The following CSMD1 variants were observed in gnomAD, a reference collection of about 807,000 sequenced individuals.
CSMD1 encodes CUB and sushi domain-containing protein 1.
In CSMD1, 213 loss-of-function variants were observed where a neutral mutation model predicts 417.5. The observed-to-expected ratio is 0.51, with a 90% CI of 0.46 to 0.57. The LOEUF (loss-of-function observed/expected upper bound fraction) is 0.57. CSMD1 is among the 20% of genes least tolerant of loss of function. The pLI, the probability that CSMD1 is intolerant of heterozygous loss-of-function variation, is 0.00. For synonymous variants in CSMD1, 2,862 were observed against 1,736.8 expected (o/e 1.65, Z -16.11); for missense variants, 6,923 against 4,529.7 (o/e 1.53, Z -15.17).
intron 47 of CSMD1, among the ~76,000 whole-genome samples, chr8:3,095,234 T>C (rs1429572010): frequency 1.3e-5 from 2 of 152,194 alleles, no homozygotes; most frequent in African/African-American, 4.8e-5. Flanking sequence ...TATGTCTATA[T>C]ATACACAAAC....
intron 37 of CSMD1, among the ~76,000 whole-genome samples, chr8:3,168,426 C>A (rs1462351437): frequency 6.6e-6 from 1 of 152,088 alleles, no homozygotes; most frequent in African/African-American, 2.4e-5. Context: ...TTTTTGTTAA[C>A]TCTTAATTCG....
At chr8:3,443,605 C>G (rs372768539) in intron 12 of CSMD1, among the ~76,000 whole-genome samples, 1 of 152,150 alleles carries the variant, frequency 6.6e-6, no homozygotes, top group Non-Finnish European at 1.5e-5. Flanking sequence ...GTGAGACCTT[C>G]AAATTATACC....
chr8:3,600,023 G>C (rs1801286283), intron 8 of CSMD1, among the ~76,000 whole-genome samples: 1 of 152,154 alleles, frequency 6.6e-6, no homozygotes, highest in Admixed American at 6.5e-5. Flanking sequence ...ACCACCACAA[G>C]AGGCACCTCC....
chr8:4,306,555 A>C (rs192939386), intron 3 of CSMD1, among the ~76,000 whole-genome samples: 74 of 152,254 alleles, frequency 4.9e-4, no homozygotes, highest in African/African-American at 1.8e-3. Context: ...TTCCTTATGC[A>C]AAAAAACAGC....
intron 5 of CSMD1, among the ~76,000 whole-genome samples, chr8:3,852,228 A>C (rs575126527): frequency 7.9e-5 from 12 of 152,192 alleles, no homozygotes; most frequent in Non-Finnish European, 1.5e-4. Context: ...GAGGCGCAGG[A>C]ACATGCACCA....
intron 3 of CSMD1, among the ~76,000 whole-genome samples, chr8:4,065,889 C>A (rs1202565376): frequency 6.6e-6 from 1 of 152,122 alleles, no homozygotes; most frequent in East Asian, 1.9e-4. Context: ...ATAAGAAAGA[C>A]TGCTCAAAGA....
At chr8:4,717,142 A>G (rs1241201241) in intron 1 of CSMD1, among the ~76,000 whole-genome samples, 1 of 151,816 alleles carries the variant, frequency 6.6e-6, no homozygotes, top group Non-Finnish European at 1.5e-5. Context: ...CATTAGGAAA[A>G]AAAACTAGGG....
At chr8:3,768,116 G>C (rs185574431) in intron 5 of CSMD1, among the ~76,000 whole-genome samples, 5 of 152,128 alleles carry the variant, frequency 3.3e-5, no homozygotes, top group South Asian at 4.1e-4. Flanking sequence ...GCCAAAATGT[G>C]TGTCTTCAAA....
chr8:3,885,271 C>A (rs550216089), intron 5 of CSMD1, among the ~76,000 whole-genome samples: 1 of 152,082 alleles, frequency 6.6e-6, no homozygotes. Context: ...TAGCATCAGA[C>A]AGGTGTGAGT....
chr8:3,592,582 T>G (rs936030126), intron 8 of CSMD1, among the ~76,000 whole-genome samples: 3 of 152,104 alleles, frequency 2.0e-5, no homozygotes, highest in Non-Finnish European at 4.4e-5. Context: ...GTTGCTTGAA[T>G]GAAAGTATTT....
chr8:3,534,119 G>A (rs551506473), intron 10 of CSMD1, among the ~76,000 whole-genome samples: 22 of 152,146 alleles, frequency 1.4e-4, no homozygotes, highest in Admixed American at 3.3e-4. Context: ...CATATTCCCC[G>A]CTCTCACTCA....
chr8:3,230,137 C>T lies in CSMD1; in HGVS notation c.4248G>A (p.Gln1416=). 1 of 1,613,640 alleles carries T rather than the reference C, an allele frequency of 6.2e-7. No individual in the cohort carries two copies. The highest frequency in any genetic ancestry group is 1.1e-5 in the South Asian group (1 of 91,068). The change falls in exon 27 of 70, where the codon CAG becomes CAA. Residue 1416 remains glutamine, a synonymous_variant. Transcript: ENST00000635120. ...CTTGGAGCTGATAGCCAGGGTCACACTGGAATGTGACGGTGTCTCCAGCCT... is the reference window on the plus strand; with the variant it reads ...CTTGGAGCTGATAGCCAGGGTCACATTGGAATGTGACGGTGTCTCCAGCCT... The part of the protein sequence containing the change: ...SREAGDTVTF[Q]CDPGYQLQGQ...
chr8:4,453,576 C>A (rs969572406), intron 2 of CSMD1, among the ~76,000 whole-genome samples: 1 of 152,106 alleles, frequency 6.6e-6, no homozygotes, highest in African/African-American at 2.4e-5. Flanking sequence ...TGGCTTATAT[C>A]GCTTGAACAA....
At chr8:4,563,518 C>A (rs73184923) in intron 2 of CSMD1, among the ~76,000 whole-genome samples, 1 of 152,122 alleles carries the variant, frequency 6.6e-6, no homozygotes, top group Non-Finnish European at 1.5e-5. Flanking sequence ...ACCTGCCCTG[C>A]CCCACGCACT....
intron 1 of CSMD1, among the ~76,000 whole-genome samples, chr8:4,933,818 C>A: frequency 6.6e-6 from 1 of 152,092 alleles, no homozygotes; most frequent in East Asian, 1.9e-4. Context: ...GAGCCCGATA[C>A]ATTTATTTTG....
In CSMD1 at chr8:4,608,659, A is replaced by T. The variant is rs1801007378; in HGVS notation, c.302+28683T>A. Reference sequence around the variant, plus strand: ...CATACATTTTTAATCACCGTTTATTAAGCAATGTCCTAAAGTCCTCTTTGT... The same window carrying T: ...CATACATTTTTAATCACCGTTTATTTAGCAATGTCCTAAAGTCCTCTTTGT... On this transcript the variant is annotated intron_variant, in intron 2 of 69. Coordinates refer to ENST00000635120, the MANE Select transcript of CSMD1 (RefSeq NM_033225.6). 4.6e-5 allele frequency among the ~76,000 whole-genome samples: 7 copies of T among 152,350 alleles called. No individual in the cohort carries two copies. In the South Asian group the frequency reaches 1.4e-3, roughly 32 times the overall value.
intron 7 of CSMD1, among the ~76,000 whole-genome samples, chr8:3,666,728 G>C (rs553276239): frequency 2.0e-5 from 3 of 152,278 alleles, no homozygotes; most frequent in South Asian, 2.1e-4. Flanking sequence ...AACCCCTTTG[G>C]CTTGGCTCTC....
chr8:3,225,138 A>G (rs1326024111), intron 27 of CSMD1, among the ~76,000 whole-genome samples: 4 of 152,196 alleles, frequency 2.6e-5, no homozygotes, highest in Non-Finnish European at 4.4e-5. Context: ...ATGAAGGAAC[A>G]TGCTTCACAA....
intron 18 of CSMD1, among the ~76,000 whole-genome samples, chr8:3,373,159 G>A (rs925767843): frequency 4.6e-5 from 7 of 152,284 alleles, no homozygotes; most frequent in African/African-American, 1.7e-4. Context: ...ATCCAACTAT[G>A]TTTAACAGTA....
Sources: allele counts gnomAD v4.1 joint callset (sites outside exome capture counted in the v4.1 genomes callset), GRCh38; gene constraint gnomAD v4.1.1; transcripts MANE v1.5; gene names NCBI Gene and HGNC (gene_info 2026-07-23, HGNC 2026-07-21).